The following PARD3B variants were observed in gnomAD, a reference collection of about 807,000 sequenced individuals.
PARD3B encodes the protein partitioning defective 3 homolog B.
A neutral mutation model predicts 130.2 loss-of-function variants in PARD3B; 103 were observed. That is an observed-to-expected ratio of 0.79 (90% CI 0.67 to 0.93). The LOEUF (loss-of-function observed/expected upper bound fraction) is 0.93, where lower values mean the gene tolerates loss of function less well. Among genes scored for constraint, PARD3B ranks in the 40% least tolerant of loss-of-function variants. The probability of loss-of-function intolerance (pLI) is 0.00; values close to 1 mark genes in which losing one functional copy is unlikely to be tolerated. For synonymous variants in PARD3B, 583 were observed against 553.2 expected, an observed-to-expected ratio of 1.05 and a Z score of -0.76; for missense variants, 1,609 against 1,499.2, an observed-to-expected ratio of 1.07 and a Z score of -1.21.
intron 4 of PARD3B, among the ~76,000 whole-genome samples, chr2:205,088,934 G>A (rs1423748725): frequency 1.3e-5 from 2 of 149,800 alleles, no homozygotes; most frequent in African/African-American, 4.9e-5. Context: ...GCTGGGATGG[G>A]ACTACAGGTG....
chr2:205,000,167 A>C (rs190544334), intron 3 of PARD3B, among the ~76,000 whole-genome samples: 3 of 152,184 alleles, frequency 2.0e-5, no homozygotes, highest in African/African-American at 7.2e-5. Context: ...GGCAGATACC[A>C]CATGCTAGAA....
At chr2:205,245,925 CT>C in intron 16 of PARD3B, 103 bp downstream of exon 16, 1 of 941,090 alleles carries the variant, frequency 1.1e-6, no homozygotes, top group South Asian at 1.5e-5. Context: ...CACTGAAAGG[CT>C]TTCTAATTAA....
chr2:204,649,265 G>GT (rs1223657147), intron 1 of PARD3B, among the ~76,000 whole-genome samples: 1 of 150,804 alleles, frequency 6.6e-6, no homozygotes, highest in East Asian at 1.9e-4. Context: ...TGTCCATTGT[G>GT]TTTTTTGGTT....
intron 2 of PARD3B, among the ~76,000 whole-genome samples, chr2:204,718,310 G>C (rs2038832028): frequency 6.6e-6 from 1 of 152,044 alleles, no homozygotes; most frequent in Non-Finnish European, 1.5e-5. Context: ...ACTTGAGACT[G>C]GGTAATTTAT....
intron 2 of PARD3B, among the ~76,000 whole-genome samples, chr2:204,829,993 C>CGTCTCAA (rs2043746484): frequency 8.7e-6 from 1 of 115,210 alleles, no homozygotes; most frequent in Admixed American, 9.7e-5. Flanking sequence ...AGCGAGACTC[C>CGTCTCAA]GTCTCAAAAA....
At chr2:204,706,178 T>C (rs2038140983) in intron 2 of PARD3B, among the ~76,000 whole-genome samples, 2 of 151,890 alleles carry the variant, frequency 1.3e-5, no homozygotes, top group African/African-American at 4.8e-5. Flanking sequence ...CCATGCTGGC[T>C]AACACAGTGA....
Position 204,673,831 on chromosome 2 carries a change from C to G in PARD3B, c.121-12350C>G, listed in dbSNP as rs2036415640. 6.6e-6 allele frequency among the ~76,000 whole-genome samples: 1 copy of G among 152,160 alleles called. No homozygotes were observed. Among genetic ancestry groups the G allele is most frequent in the South Asian group, 2.1e-4 (1 of 4,828 alleles). On this transcript the variant is annotated intron_variant, in intron 1 of 22. Transcript: ENST00000406610. The surrounding 1 kb of genome is among the most constrained non-coding windows in gnomAD (Gnocchi z 4.7). The stretch of plus-strand genomic sequence containing the variant: ...ATTTAAGCTTTATTCCTTCCAAGAG[C>G]TGGATTTTTATTCTCTTTTTTCTTA...
intron 15 of PARD3B, among the ~76,000 whole-genome samples, chr2:205,217,550 G>C (rs1383077231): frequency 1.3e-5 from 2 of 151,776 alleles, no homozygotes; most frequent in African/African-American, 4.8e-5. Context: ...ACAAGATGCA[G>C]GAAGGAGACA....
At chr2:204,827,835 G>A (rs1456484425) in intron 2 of PARD3B, among the ~76,000 whole-genome samples, 1 of 152,182 alleles carries the variant, frequency 6.6e-6, no homozygotes, top group African/African-American at 2.4e-5. Context: ...GGAGTAAATG[G>A]CTGCTGAATG....
chr2:205,367,290 G>A (rs1407112548), intron 18 of PARD3B, among the ~76,000 whole-genome samples: 4 of 152,210 alleles, frequency 2.6e-5, no homozygotes, highest in African/African-American at 7.2e-5. Context: ...TCCATTGTTA[G>A]TGTTGTTTAT....
At chr2:205,502,999 C>G (rs1214888776) in intron 21 of PARD3B, among the ~76,000 whole-genome samples, 1 of 148,742 alleles carries the variant, frequency 6.7e-6, no homozygotes, top group East Asian at 2.0e-4. Flanking sequence ...CTCCCTTATC[C>G]CCTCCCCTCT....
intron 8 of PARD3B, 34 bp from the exon 9 acceptor site, chr2:205,124,293 G>A: frequency 6.9e-7 from 1 of 1,451,690 alleles, no homozygotes; most frequent in Non-Finnish European, 9.2e-7. Flanking sequence ...TCATGCTTAA[G>A]ATGACTATAC....
At chr2:204,916,670 A>T (rs193038290) in intron 2 of PARD3B, among the ~76,000 whole-genome samples, 4 of 152,148 alleles carry the variant, frequency 2.6e-5, no homozygotes, top group Admixed American at 6.5e-5. Context: ...AAAAAGATTC[A>T]CTGTAGGGAA....
intron 2 of PARD3B, among the ~76,000 whole-genome samples, chr2:204,778,455 C>G (rs779303780): frequency 6.6e-6 from 1 of 152,000 alleles, no homozygotes; most frequent in Non-Finnish European, 1.5e-5. Flanking sequence ...GGCAGTGACA[C>G]GAAAAATGCA....
chr2:205,157,107 G>T (rs1161310419), intron 10 of PARD3B, among the ~76,000 whole-genome samples: 1 of 152,130 alleles, frequency 6.6e-6, no homozygotes, highest in African/African-American at 2.4e-5. Flanking sequence ...CAGTAGGATG[G>T]TTTTTCTTTA....
chr2:204,758,662 G>T (rs1264988376), intron 2 of PARD3B, among the ~76,000 whole-genome samples: 1 of 152,162 alleles, frequency 6.6e-6, no homozygotes, highest in Non-Finnish European at 1.5e-5. Context: ...TGCCATCAAA[G>T]TTGAGACAGC....
chr2:204,872,907 C>A (rs116112253), intron 2 of PARD3B, among the ~76,000 whole-genome samples: 1 of 152,168 alleles, frequency 6.6e-6, no homozygotes, highest in Non-Finnish European at 1.5e-5. Flanking sequence ...TCCTTATTTG[C>A]TTCTCAAATC....
rs59543823 is a variant in PARD3B at position 205,461,894 on chromosome 2, A to G, written c.3044+21222A>G. Reference sequence around the variant, plus strand: ...ATAGTCATCATCAGTTCCTTAACTGAAAGAGAAATGCTCAGGCAGGGCTTA... The same window carrying G: ...ATAGTCATCATCAGTTCCTTAACTGGAAGAGAAATGCTCAGGCAGGGCTTA... On this transcript the variant is annotated intron_variant, in intron 20 of 22. Coordinates refer to ENST00000406610, the MANE Select transcript of PARD3B (RefSeq NM_001302769.2). This position sits in a 1 kb window ranked among gnomAD's most constrained non-coding sequence, Gnocchi z 4.3. Among the ~76,000 whole-genome samples the G allele has an allele frequency of 0.05, 7,605 of 152,300 alleles. 637 individuals are homozygous for G. Among genetic ancestry groups the G allele is most frequent in the African/African-American group, 0.17 (7,174 of 41,546 alleles).
At position 204,678,145 on chromosome 2, in the gene PARD3B, T is replaced by G. The variant is rs1448508345; in HGVS notation, c.121-8036T>G. ...GACTTGCGATGAGGGGTGGCTCCTTTGCAGCCGAGCTCAAACCGCTTGTGG... is the reference window on the plus strand; with the variant it reads ...GACTTGCGATGAGGGGTGGCTCCTTGGCAGCCGAGCTCAAACCGCTTGTGG... On this transcript the variant is annotated intron_variant, in intron 1 of 22. Coordinates refer to ENST00000406610, the MANE Select transcript of PARD3B (RefSeq NM_001302769.2). This position sits in a 1 kb window ranked among gnomAD's most constrained non-coding sequence, Gnocchi z 4.2. Among the ~76,000 whole-genome samples the G allele has an allele frequency of 6.6e-6, 1 of 152,180 alleles. No individual in the cohort carries two copies. The highest frequency in any genetic ancestry group is 2.4e-5 in the African/African-American group (1 of 41,450).
Sources: gnomAD v4.1 joint callset for allele counts (sites outside exome capture counted in the v4.1 genomes callset) on GRCh38, gnomAD v4.1.1 for gene constraint, Gnocchi (gnomAD v3.1) non-coding constraint, MANE v1.5 for transcripts, NCBI Gene and HGNC (gene_info 2026-07-23, HGNC 2026-07-21) for gene names.